The following PUS7 variants were observed in gnomAD, a reference collection of about 807,000 sequenced individuals.
PUS7 encodes pseudouridine synthase 7, also known as pseudouridylate synthase 7 homolog.
A neutral mutation model predicts 79.8 loss-of-function variants in PUS7; 48 were observed. The ratio of observed to expected loss-of-function variants is 0.60; its 90% CI spans 0.48 to 0.76. PUS7 has a LOEUF of 0.76. Among genes scored for constraint, PUS7 ranks in the 30% least tolerant of loss-of-function variants. The pLI is 0.00. For synonymous variants in PUS7, 286 were observed against 272.2 expected (o/e 1.05, Z -0.50); for missense variants, 729 against 797.6 (o/e 0.91, Z 1.04).
At chr7:105,519,885 C>A (rs1826036976) in intron 1 of PUS7, among the ~76,000 whole-genome samples, 1 of 152,182 alleles carries the variant, frequency 6.6e-6, no homozygotes, top group African/African-American at 2.4e-5. Flanking sequence ...GAGCTCCAGG[C>A]AGCCCGAACA....
rs751710189 is a variant in PUS7 at position 105,505,936 on chromosome 7, A to G, written c.585+19T>C. ...ACTAAAACCCTAAATAATTTTTCAT[A>G]TATTTTTGCATTAGTTACCTCAATG... On this transcript the variant is annotated intron_variant, in intron 4 of 15. Transcript: ENST00000469408. The G allele has an allele frequency of 1.0e-5, 16 of 1,566,652 alleles. No homozygotes were observed. The East Asian group carries it at 2.5e-4, about 24-fold the overall frequency.
chr7:105,508,117 T>C lies in PUS7; in HGVS notation c.396A>G (p.Glu132=). 1 of 1,608,660 alleles carries C rather than the reference T, an allele frequency of 6.2e-7. No homozygotes were observed. The highest frequency in any genetic ancestry group is 8.5e-7 in the Non-Finnish European group (1 of 1,177,340). Residue 132 remains glutamate, a splice_region_variant and synonymous_variant, in exon 2 of 16, where the codon GAA becomes GAG. Transcript: ENST00000469408. ...SHQGFSGILK[E]RYSDFVVHEI... ...CTTTATTCATAAACTAAATGTACCT[T>C]TCTTTTAAGATTCCCGAGAACCCTT...
chr7:105,489,147 CAAA>C (rs762504334), intron 7 of PUS7, among the ~76,000 whole-genome samples: 4 of 33,710 alleles, frequency 1.2e-4, no homozygotes, highest in African/African-American at 3.7e-4. Context: ...AACTCCATCT[CAAA>C]AAAAAAAAAA....
rs141243759 is a variant in PUS7 at position 105,520,414 on chromosome 7, G to A, written c.-33+1638C>T. On this transcript the variant is annotated intron_variant, in intron 1 of 15. Transcript: ENST00000469408. Reference sequence around the variant, plus strand: ...GCGGAGCCTGCAGTGAGCCGAGATCGCGCCACTGCAATACATCTCCAGCCC... The same window carrying A: ...GCGGAGCCTGCAGTGAGCCGAGATCACGCCACTGCAATACATCTCCAGCCC... Among the ~76,000 whole-genome samples, 680 of 152,182 alleles carry A rather than the reference G, an allele frequency of 4.5e-3. 4 individuals are homozygous for A. The highest frequency in any genetic ancestry group is 0.015 in the African/African-American group (638 of 41,506).
chr7:105,490,171 GC>G (rs1285702466), intron 7 of PUS7, among the ~76,000 whole-genome samples: 2 of 150,924 alleles, frequency 1.3e-5, no homozygotes, highest in African/African-American at 4.9e-5. Context: ...AGTAGAGGTA[GC>G]AAACATAGCG....
At position 105,508,341 on chromosome 7, in the gene PUS7, C is replaced by A; in HGVS notation, c.172G>T (p.Val58Leu). The stretch of plus-strand genomic sequence containing the variant: ...CTGACAGTGTCAGGAGGCCGAGGCA[C>A]GTCTTCACTGATGGACAGAAAGTCA... ...QNDFLSISED[V>L]PRPPDTVSTG... Residue 58 changes from valine to leucine, a missense_variant, in exon 2 of 16, where the codon GTG becomes TTG. Physicochemically the swap from Val to Leu is conservative, Grantham distance 32. Coordinates refer to ENST00000469408, the MANE Select transcript of PUS7 (RefSeq NM_019042.5). 6 of 1,614,068 alleles carry A rather than the reference C, an allele frequency of 3.7e-6. No homozygotes were observed. Among genetic ancestry groups the A allele is most frequent in the East Asian group, 4.5e-5 (2 of 44,864 alleles).
In PUS7 at chr7:105,457,309, C is replaced by T. The variant is rs1586075418; in HGVS notation, c.*481G>A. ...TTTTTGTTTATAAATTTGTAGATGT[C>T]TTATTATTTCAGTCAGCATGAGTAC... is the stretch of plus-strand genomic sequence containing the variant. On this transcript the variant is annotated 3_prime_UTR_variant, in exon 16 of 16. Coordinates refer to ENST00000469408, the MANE Select transcript of PUS7 (RefSeq NM_019042.5). 6.6e-6 allele frequency: 1 copy of T among 152,196 alleles called. No homozygotes were observed. Among genetic ancestry groups the T allele is most frequent in the African/African-American group, 2.4e-5 (1 of 41,504 alleles). 9.4% of individuals were successfully genotyped at this position (152,196 alleles called of 1,614,324 possible).
At chr7:105,480,946 T>C in intron 9 of PUS7, 106 bp downstream of exon 9, 12 of 1,304,714 alleles carry the variant, frequency 9.2e-6, no homozygotes, top group Non-Finnish European at 1.2e-5. Flanking sequence ...GTGGTTCATT[T>C]GCCCCAGACA....
chr7:105,474,816 T>C lies in PUS7; in HGVS notation c.1176-2623A>G, dbSNP rs142443759. On this transcript the variant is annotated intron_variant, in intron 9 of 15. Coordinates refer to ENST00000469408, the MANE Select transcript of PUS7 (RefSeq NM_019042.5). ...CACAATAAAACAAAAAAACCTTTGT[T>C]AAATATCAATTACAGCCTGCAGGCA... 8.9e-4 allele frequency among the ~76,000 whole-genome samples: 135 copies of C among 152,006 alleles called. 1 individual carries two copies. The highest frequency in any genetic ancestry group is 3.1e-3 in the African/African-American group (127 of 41,458).
intron 7 of PUS7, among the ~76,000 whole-genome samples, chr7:105,484,638 G>A (rs1353175922): frequency 6.6e-6 from 1 of 151,602 alleles, no homozygotes; most frequent in Non-Finnish European, 1.5e-5. Flanking sequence ...GGCCAATATG[G>A]TGAAACCCCG....
At chr7:105,509,748 G>A (rs529672307) in intron 1 of PUS7, among the ~76,000 whole-genome samples, 14 of 152,258 alleles carry the variant, frequency 9.2e-5, no homozygotes, top group Admixed American at 9.2e-4. Context: ...CAAAGTGTTG[G>A]GAATATAGGT....
chr7:105,460,240 C>T (rs1165790302), intron 14 of PUS7, among the ~76,000 whole-genome samples: 1 of 152,060 alleles, frequency 6.6e-6, no homozygotes, highest in African/African-American at 2.4e-5. Flanking sequence ...GCCCAGCCGA[C>T]AATTCTTTTT....
chr7:105,500,801 T>C (rs1198956569), intron 5 of PUS7, among the ~76,000 whole-genome samples: 1 of 152,226 alleles, frequency 6.6e-6, no homozygotes, highest in Non-Finnish European at 1.5e-5. Flanking sequence ...CACTTTCCAC[T>C]GGGCTTACTC....
intron 2 of PUS7, among the ~76,000 whole-genome samples, chr7:105,507,698 C>T (rs1005711400): frequency 2.0e-5 from 3 of 151,998 alleles, no homozygotes; most frequent in African/African-American, 2.4e-5. Flanking sequence ...CCCATCACCA[C>T]GCCCAGCTAA....
chr7:105,473,969 G>A (rs1489413862), intron 9 of PUS7, among the ~76,000 whole-genome samples: 1 of 152,208 alleles, frequency 6.6e-6, no homozygotes, highest in African/African-American at 2.4e-5. Context: ...AAATCTATAA[G>A]TGTATGTAAT....
chr7:105,496,982 G>A, intron 5 of PUS7: 4 of 1,214,086 alleles, frequency 3.3e-6, no homozygotes, highest in South Asian at 1.4e-5. Context: ...CTGTCCAAAT[G>A]CACAGCATAA....
At chr7:105,510,295 T>C (rs1918875) in intron 1 of PUS7, among the ~76,000 whole-genome samples, 50,013 of 151,292 alleles carry the variant, frequency 0.33, 9,382 homozygotes, top group African/African-American at 0.51. Context: ...AGCAAAACTC[T>C]ATCTCCAAAA....
At chr7:105,520,187 C>T (rs1041301101) in intron 1 of PUS7, among the ~76,000 whole-genome samples, 13 of 151,868 alleles carry the variant, frequency 8.6e-5, no homozygotes, top group Admixed American at 6.6e-4. Context: ...AGGCGGGGCG[C>T]GGTGGCTCAC....
At chr7:105,516,747 G>A (rs868368110) in intron 1 of PUS7, among the ~76,000 whole-genome samples, 1 of 152,044 alleles carries the variant, frequency 6.6e-6, no homozygotes, top group Admixed American at 6.6e-5. Flanking sequence ...GAGCCAGTGC[G>A]CCCGGACTGG....
Sources: gnomAD v4.1 joint callset for allele counts (sites outside exome capture counted in the v4.1 genomes callset) on GRCh38, gnomAD v4.1.1 for gene constraint, MANE v1.5 for transcripts, NCBI Gene and HGNC (gene_info 2026-07-23, HGNC 2026-07-21) for gene names.